H3C12: variants seen among roughly 807,000 people sequenced by gnomAD.
H3C12 encodes the protein H3 clustered histone 12, also known as histone H3.1.
Under a neutral mutation model 7.0 loss-of-function variants are expected in H3C12, and 7 were observed. The ratio of observed to expected loss-of-function variants is 1.00; its 90% CI spans 0.57 to 1.87. The LOEUF is 1.87. Ranked by LOEUF, H3C12 falls within the 40% of genes most tolerant of loss-of-function variation. The probability of loss-of-function intolerance (pLI) is 0.00; values close to 1 mark genes in which losing one functional copy is unlikely to be tolerated. For missense variants in H3C12, 167 were observed against 191.4 expected (o/e 0.87, Z 0.75); for synonymous variants, 100 against 78.5 (o/e 1.27, Z -1.45).
chr6:27,890,616 A>G lies in H3C12; in HGVS notation c.177T>C (p.Thr59=), dbSNP rs888208135. 1.1e-5 allele frequency: 17 copies of G among 1,614,102 alleles called. No homozygotes were observed. The highest frequency in any genetic ancestry group is 1.4e-5 in the Non-Finnish European group (17 of 1,180,012). The change falls in exon 1 of 1, where the codon ACT becomes ACC. Residue 59 remains threonine (T), a synonymous_variant. Transcript: ENST00000359303. ...ATGGCAGTTTGCGGATGAGCAGCTC[A>G]GTCGACTTCTGATAACGGCGGATCT... ...LREIRRYQKS[T]ELLIRKLPFQ... is the part of the protein sequence containing the mutation.
chr6:27,890,763 C>T lies in H3C12; in HGVS notation c.30G>A (p.Lys10=), dbSNP rs1192900616. 3.1e-6 allele frequency: 5 copies of T among 1,613,634 alleles called. No homozygotes were observed. In the Admixed American group the frequency reaches 5.0e-5, roughly 16 times the overall value. The change falls in exon 1 of 1, where the codon AAG becomes AAA. Residue 10 remains lysine, a synonymous_variant. Coordinates refer to ENST00000359303, the MANE Select transcript of H3C12 (RefSeq NM_003535.3). ...TCCGCGGTGCCTTGCCGCCGGTAGACTTGCGAGCTGTCTGCTTCGTCCGGG... is the reference window on the plus strand; with the variant it reads ...TCCGCGGTGCCTTGCCGCCGGTAGATTTGCGAGCTGTCTGCTTCGTCCGGG... MARTKQTAR[K]STGGKAPRKQ...
In H3C12 at chr6:27,890,443, C is replaced by T. The variant is rs759280383; in HGVS notation, c.350G>A (p.Arg117His). 1.2e-6 allele frequency: 2 copies of T among 1,613,476 alleles called. No homozygotes were observed. The highest frequency in any genetic ancestry group is 1.3e-5 in the African/African-American group (1 of 75,056). Residue 117 changes from arginine (R) to histidine (H), a missense_variant, in exon 1 of 1, where the codon CGT becomes CAT. Physicochemically the swap from Arg to His is conservative, Grantham distance 29. Coordinates refer to ENST00000359303, the MANE Select transcript of H3C12 (RefSeq NM_003535.3). ...GATGTCCTTAGGCATAATAGTGACA[C>T]GCTTGGCGTGAATAGCACAGAGGTT... ...DTNLCAIHAK[R>H]VTIMPKDIQL...
Position 27,890,326 on chromosome 6 carries a change from G to GA in H3C12, c.*55dup. On this transcript the variant is annotated 3_prime_UTR_variant, in exon 1 of 1. Coordinates refer to ENST00000359303, the MANE Select transcript of H3C12 (RefSeq NM_003535.3). ...CCTCAGTGAGAATGTAAGTGGCTCT[G>GA]AAAAGAGCCTTTGGAAGCTTGGAAG... The GA allele has an allele frequency of 6.7e-7, 1 of 1,482,270 alleles. No individual in the cohort carries two copies. The highest frequency in any genetic ancestry group is 1.4e-5 in the South Asian group (1 of 73,644). The allele number at this position is 1,482,270 out of a possible 1,614,324, so 91.8% of individuals were successfully genotyped here.
At position 27,890,647 on chromosome 6, in the gene H3C12, AAG is replaced by A; in HGVS notation, c.144_145del (p.Leu49AlafsTer2). ...CTTCTGATAACGGCGGATCTCACGC[AAG>A]GCCACGGTGCCTGGCCTGTAGCGGT... is the stretch of plus-strand genomic sequence containing the variant. On this transcript the variant is annotated frameshift_variant, in exon 1 of 1. Transcript: ENST00000359303. LOFTEE classifies it high-confidence loss of function. 1 of 1,614,230 alleles carries A rather than the reference AAG, an allele frequency of 6.2e-7. No homozygotes were observed. The highest frequency in any genetic ancestry group is 1.1e-5 in the South Asian group (1 of 91,084).
At chr6:27,890,826 TGAATGAGCAGTGGCTTCTACCA>T, upstream of H3C12, 1 of 1,578,946 alleles carries the variant, frequency 6.3e-7, no homozygotes, top group South Asian at 1.2e-5. Context: ...AGCAAGCAGC[TGAATGAGCAGTGGCTTCTACCA>T]GAATTTATAA....
In H3C12 at chr6:27,890,742, C is replaced by T. The variant is rs769661330; in HGVS notation, c.51G>A (p.Pro17=). The T allele has an allele frequency of 2.5e-6, 4 of 1,613,776 alleles. No individual in the cohort carries two copies. The highest frequency in any genetic ancestry group is 1.3e-5 in the African/African-American group (1 of 75,046). The change falls in exon 1 of 1, where the codon CCG becomes CCA. Residue 17 remains proline, a synonymous_variant. Coordinates refer to ENST00000359303, the MANE Select transcript of H3C12 (RefSeq NM_003535.3). ...TARKSTGGKA[P]RKQLATKAAR... is the part of the protein sequence containing the mutation. The stretch of plus-strand genomic sequence containing the variant: ...CTGCCTTGGTGGCCAGCTGCTTCCG[C>T]GGTGCCTTGCCGCCGGTAGACTTGC...
Position 27,890,520 on chromosome 6 carries a change from C to G in H3C12, c.273G>C (p.Met91Ile). The G allele has an allele frequency of 6.2e-7, 1 of 1,614,272 alleles. No individual in the cohort carries two copies. The highest frequency in any genetic ancestry group is 8.5e-7 in the Non-Finnish European group (1 of 1,180,054). The change falls in exon 1 of 1, where the codon ATG (methionine) becomes ATC (isoleucine). Residue 91 changes from methionine to isoleucine, a missense_variant. Met to Ile is a conservative substitution (Grantham distance 10). This residue lies in a region of H3C12 where 121 missense variants were observed against 112.5 expected (regional missense o/e 1.08). Coordinates refer to ENST00000359303, the MANE Select transcript of H3C12 (RefSeq NM_003535.3). ...TDLRFQSSAVMALQEACEAYL... is the reference protein window; with the variant it reads ...TDLRFQSSAVIALQEACEAYL... ...AGGCCTCGCACGCCTCTTGCAGCGC[C>G]ATCACCGCCGAGCTCTGGAAACGAA...
chr6:27,890,398 C>A lies in H3C12; in HGVS notation c.395G>T (p.Arg132Leu). 8.2e-6 allele frequency: 13 copies of A among 1,587,124 alleles called. No homozygotes were observed. The highest frequency in any genetic ancestry group is 1.1e-5 in the Non-Finnish European group (13 of 1,164,324). ...PKDIQLARRI[R>L]GERA ...AGCAGGGGATTATGCTCGCTCGCCA[C>A]GGATACGACGCGCAAGCTGGATGTC... The change falls in exon 1 of 1, where the codon CGT becomes CTT. Residue 132 changes from arginine to leucine, a missense_variant. Around this residue, in one of 2 missense-constraint regions of H3C12, gnomAD observed 121 missense variants for 112.5 expected, o/e 1.08. Coordinates refer to ENST00000359303, the MANE Select transcript of H3C12 (RefSeq NM_003535.3).
Position 27,890,557 on chromosome 6 carries a change from A to G in H3C12, c.236T>C (p.Phe79Ser). ...GCTCTGGAAACGAAGGTCGGTTTTGAAATCCTGCGCGATTTCTCGCACCAG... is the reference window on the plus strand; with the variant it reads ...GCTCTGGAAACGAAGGTCGGTTTTGGAATCCTGCGCGATTTCTCGCACCAG... ...QRLVREIAQD[F>S]KTDLRFQSSA... The change falls in exon 1 of 1, where the codon TTC becomes TCC. Residue 79 changes from phenylalanine to serine, a missense_variant. Physicochemically the swap from Phe to Ser is radical, Grantham distance 155. Transcript: ENST00000359303. The G allele has an allele frequency of 1.9e-6, 3 of 1,614,264 alleles. No individual in the cohort carries two copies. The highest frequency in any genetic ancestry group is 2.5e-6 in the Non-Finnish European group (3 of 1,180,044).
In H3C12 at chr6:27,890,378, G is replaced by C; in HGVS notation, c.*4C>G. The C allele has an allele frequency of 1.9e-6, 3 of 1,561,038 alleles. No homozygotes were observed. The highest frequency in any genetic ancestry group is 1.2e-5 in the South Asian group (1 of 83,498). ...AATTAAGAAACCCAAGATAGAGCAG[G>C]GGATTATGCTCGCTCGCCACGGATA... On this transcript the variant is annotated 3_prime_UTR_variant, in exon 1 of 1. Coordinates refer to ENST00000359303, the MANE Select transcript of H3C12 (RefSeq NM_003535.3).
chr6:27,890,421 G>A lies in H3C12; in HGVS notation c.372C>T (p.Asp124=), dbSNP rs916613042. The change falls in exon 1 of 1, where the codon GAC becomes GAT. Residue 124 remains aspartate (D), a synonymous_variant. Coordinates refer to ENST00000359303, the MANE Select transcript of H3C12 (RefSeq NM_003535.3). ...HAKRVTIMPK[D]IQLARRIRGE... ...CACGGATACGACGCGCAAGCTGGAT[G>A]TCCTTAGGCATAATAGTGACACGCT... 1 of 1,601,420 alleles carries A rather than the reference G, an allele frequency of 6.2e-7. No homozygotes were observed. The highest frequency in any genetic ancestry group is 1.3e-5 in the African/African-American group (1 of 74,494).
chr6:27,890,492 G>T lies in H3C12; in HGVS notation c.301C>A (p.Leu101Met), dbSNP rs751536007. 1.2e-6 allele frequency: 2 copies of T among 1,614,268 alleles called. No homozygotes were observed. ...TTGGTGTCTTCAAAGAGACCCACCA[G>T]ATAGGCCTCGCACGCCTCTTGCAGC... ...MALQEACEAY[L>M]VGLFEDTNLC... Residue 101 changes from leucine to methionine, a missense_variant, in exon 1 of 1, where the codon CTG (leucine) becomes ATG (methionine). This residue lies in a region of H3C12 where 121 missense variants were observed against 112.5 expected (regional missense o/e 1.08). Transcript: ENST00000359303.
chr6:27,890,806 A>C lies in H3C12; in HGVS notation c.-14T>G, dbSNP rs1734567562. The stretch of plus-strand genomic sequence containing the variant: ...CGTCCGGGCCATAGTTGAGAAAGCT[A>C]TGCTCTGAAAGCAAGCAGCTGAATG... On this transcript the variant is annotated 5_prime_UTR_variant, in exon 1 of 1. Transcript: ENST00000359303. 6.3e-7 allele frequency: 1 copy of C among 1,598,390 alleles called. No homozygotes were observed. The highest frequency in any genetic ancestry group is 8.5e-7 in the Non-Finnish European group (1 of 1,174,574).
rs1761877013 is a variant in H3C12, at chr6:27,890,529, C to A, written c.264G>T (p.Ser88=). The A allele has an allele frequency of 6.2e-7, 1 of 1,614,276 alleles. No individual in the cohort carries two copies. The highest frequency in any genetic ancestry group is 1.3e-5 in the African/African-American group (1 of 75,070). ...DFKTDLRFQS[S]AVMALQEACE... is the part of the protein sequence containing the mutation. ...ACGCCTCTTGCAGCGCCATCACCGC[C>A]GAGCTCTGGAAACGAAGGTCGGTTT... Residue 88 remains serine, a synonymous_variant, in exon 1 of 1, where the codon TCG becomes TCT. Transcript: ENST00000359303.
Position 27,890,515 on chromosome 6 carries a change from A to G in H3C12, c.278T>C (p.Leu93Pro). 1 of 1,614,284 alleles carries G rather than the reference A, an allele frequency of 6.2e-7. No individual in the cohort carries two copies. Among genetic ancestry groups the G allele is most frequent in the South Asian group, 1.1e-5 (1 of 91,086 alleles). ...CAGATAGGCCTCGCACGCCTCTTGCAGCGCCATCACCGCCGAGCTCTGGAA... is the reference window on the plus strand; with the variant it reads ...CAGATAGGCCTCGCACGCCTCTTGCGGCGCCATCACCGCCGAGCTCTGGAA... The part of the protein sequence containing the change: ...LRFQSSAVMA[L>P]QEACEAYLVG... The change falls in exon 1 of 1, where the codon CTG becomes CCG. Residue 93 changes from leucine (L) to proline (P), a missense_variant. Physicochemically the swap from Leu to Pro is moderately conservative, Grantham distance 98. Around this residue, in one of 2 missense-constraint regions of H3C12, gnomAD observed 121 missense variants for 112.5 expected, o/e 1.08. Coordinates refer to ENST00000359303, the MANE Select transcript of H3C12 (RefSeq NM_003535.3).
chr6:27,890,368 G>A lies in H3C12; in HGVS notation c.*14C>T, dbSNP rs202049846. 153 of 1,545,990 alleles carry A rather than the reference G, an allele frequency of 9.9e-5. No homozygotes were observed. The highest frequency in any genetic ancestry group is 1.3e-4 in the Non-Finnish European group (150 of 1,146,762). On this transcript the variant is annotated 3_prime_UTR_variant, in exon 1 of 1. Coordinates refer to ENST00000359303, the MANE Select transcript of H3C12 (RefSeq NM_003535.3). ...GCTTGGAAGCAATTAAGAAACCCAAGATAGAGCAGGGGATTATGCTCGCTC... is the reference window on the plus strand; with the variant it reads ...GCTTGGAAGCAATTAAGAAACCCAAAATAGAGCAGGGGATTATGCTCGCTC...
Position 27,890,652 on chromosome 6 carries a change from C to T in H3C12, c.141G>A (p.Val47=). 6.2e-7 allele frequency: 1 copy of T among 1,614,208 alleles called. No individual in the cohort carries two copies. The change falls in exon 1 of 1, where the codon GTG becomes GTA. Residue 47 remains valine (V), a synonymous_variant. Transcript: ENST00000359303. ...KKPHRYRPGT[V]ALREIRRYQK... The stretch of plus-strand genomic sequence containing the variant: ...GATAACGGCGGATCTCACGCAAGGC[C>T]ACGGTGCCTGGCCTGTAGCGGTGGG...
chr6:27,890,763 C>CT lies in H3C12; in HGVS notation c.29dup (p.Ser11ValfsTer41). ...TCCGCGGTGCCTTGCCGCCGGTAGA[C>CT]TTGCGAGCTGTCTGCTTCGTCCGGG... is the stretch of plus-strand genomic sequence containing the variant. On this transcript the variant is annotated frameshift_variant, in exon 1 of 1. Coordinates refer to ENST00000359303, the MANE Select transcript of H3C12 (RefSeq NM_003535.3). LOFTEE classifies it high-confidence loss of function. 6.2e-7 allele frequency: 1 copy of CT among 1,613,634 alleles called. No homozygotes were observed. Among genetic ancestry groups the CT allele is most frequent in the African/African-American group, 1.3e-5 (1 of 75,036 alleles).
rs1478695240 is a variant in H3C12 at position 27,890,527 on chromosome 6, G to A, written c.266C>T (p.Ala89Val). 3 of 1,614,264 alleles carry A rather than the reference G, an allele frequency of 1.9e-6. No homozygotes were observed. The highest frequency in any genetic ancestry group is 1.1e-5 in the South Asian group (1 of 91,092). ...FKTDLRFQSSAVMALQEACEA... is the reference protein window; with the variant it reads ...FKTDLRFQSSVVMALQEACEA... ...GCACGCCTCTTGCAGCGCCATCACC[G>A]CCGAGCTCTGGAAACGAAGGTCGGT... The change falls in exon 1 of 1, where the codon GCG becomes GTG. Residue 89 changes from alanine to valine, a missense_variant. This residue lies in a region of H3C12 where 121 missense variants were observed against 112.5 expected (regional missense o/e 1.08). Transcript: ENST00000359303.
Sources: allele counts gnomAD v4.1 joint callset, GRCh38; gene constraint gnomAD v4.1.1; regional missense constraint gnomAD v4.1.1; transcripts MANE v1.5; gene names NCBI Gene and HGNC (gene_info 2026-07-23, HGNC 2026-07-21).